Variants in EYA1 observed in about 807,000 individuals in gnomAD.
The protein encoded by EYA1 is EYA transcriptional coactivator and phosphatase 1.
In EYA1, 16 loss-of-function variants were observed where a neutral mutation model predicts 82.0. That is an observed-to-expected ratio of 0.20 (90% confidence interval 0.13 to 0.30). EYA1 has a LOEUF of 0.30. Ranked by LOEUF, EYA1 falls within the 10% of genes least tolerant of loss-of-function variation. EYA1 has a pLI of 1.00. For synonymous variants in EYA1, 261 were observed against 264.4 expected (o/e 0.99, Z 0.12); for missense variants, 633 against 730.7 (o/e 0.87, Z 1.54).
At chr8:71,287,186 C>T (rs1818480878) in intron 9 of EYA1, among the ~76,000 whole-genome samples, 2 of 151,956 alleles carry the variant, frequency 1.3e-5, no homozygotes, top group Non-Finnish European at 2.9e-5. Context: ...AGTTTAGATT[C>T]TCAGTGACTA....
chr8:71,413,648 G>A (rs1015436125), intron 2 of EYA1, among the ~76,000 whole-genome samples: 2 of 152,144 alleles, frequency 1.3e-5, no homozygotes, highest in African/African-American at 4.8e-5. Context: ...AATGCAAACT[G>A]TATATGCAAA....
intron 3 of EYA1, among the ~76,000 whole-genome samples, chr8:71,350,711 GATTTTTGCTTGC>G (rs1232887029): frequency 1.3e-5 from 2 of 152,056 alleles, no homozygotes; most frequent in Non-Finnish European, 2.9e-5. Flanking sequence ...TTAGAGCTCT[GATTTTTGCTTGC>G]TCACACTTTT....
At chr8:71,478,353 A>C (rs1232611578) in intron 2 of EYA1, among the ~76,000 whole-genome samples, 1 of 152,172 alleles carries the variant, frequency 6.6e-6, no homozygotes, top group Non-Finnish European at 1.5e-5. Flanking sequence ...ACCCATGCAA[A>C]TCTATCACCG....
intron 2 of EYA1, among the ~76,000 whole-genome samples, chr8:71,391,474 A>G (rs1267420034): frequency 3.3e-5 from 5 of 152,156 alleles, no homozygotes; most frequent in Non-Finnish European, 7.4e-5. Context: ...TCACTTAAGA[A>G]TTTGTCACCT....
intron 2 of EYA1, among the ~76,000 whole-genome samples, chr8:71,474,584 G>A (rs1305788130): frequency 6.6e-6 from 1 of 152,018 alleles, no homozygotes; most frequent in South Asian, 2.1e-4. Context: ...ATCTTACTAA[G>A]CTATTTGTTA....
At chr8:71,221,984 G>T (rs146865911) in intron 12 of EYA1, among the ~76,000 whole-genome samples, 1 of 152,314 alleles carries the variant, frequency 6.6e-6, no homozygotes, top group Non-Finnish European at 1.5e-5. Context: ...TGGGAACGGG[G>T]CGAGCATATA....
chr8:71,299,962 A>C (rs1346603174), intron 7 of EYA1, among the ~76,000 whole-genome samples: 1 of 152,230 alleles, frequency 6.6e-6, no homozygotes, highest in African/African-American at 2.4e-5. Context: ...TAATGACAAA[A>C]TAATACATTT....
At chr8:71,400,177 C>CA (rs34289340) in intron 2 of EYA1, among the ~76,000 whole-genome samples, 1 of 151,866 alleles carries the variant, frequency 6.6e-6, no homozygotes, top group Non-Finnish European at 1.5e-5. Context: ...GTGTAAAACC[C>CA]AAAACTATAA....
intron 11 of EYA1, 72 bp downstream of exon 11, chr8:71,269,668 A>G: frequency 4.6e-6 from 5 of 1,079,766 alleles, no homozygotes; most frequent in Non-Finnish European, 7.0e-6. Context: ...AATTACATTC[A>G]TTTGGATAAT....
At chr8:71,531,427 C>T (rs1195360467) in intron 2 of EYA1, among the ~76,000 whole-genome samples, 2 of 152,144 alleles carry the variant, frequency 1.3e-5, no homozygotes, top group Non-Finnish European at 2.9e-5. Flanking sequence ...AAACTAGGCT[C>T]TCTCTATTTG....
In EYA1 at chr8:71,203,754, G is replaced by C. The variant is rs140411697; in HGVS notation, c.1699-4334C>G. Among the ~76,000 whole-genome samples the C allele has an allele frequency of 5.9e-5, 9 of 152,324 alleles. No homozygotes were observed. In the East Asian group the frequency reaches 1.2e-3, roughly 20 times the overall value. On this transcript the variant is annotated intron_variant, in intron 17 of 17. Coordinates refer to ENST00000340726, the MANE Select transcript of EYA1 (RefSeq NM_000503.6). ...GGGGCATTTTAAGCAATTTAGGGCA[G>C]CAGTCGGGAAGGATGGACCAAAGAT...
intron 2 of EYA1, among the ~76,000 whole-genome samples, chr8:71,469,874 A>C (rs1809053978): frequency 6.6e-6 from 1 of 152,208 alleles, no homozygotes; most frequent in African/African-American, 2.4e-5. Flanking sequence ...TGAAGACTCA[A>C]GAAATGGGAG....
At chr8:71,328,238 G>A (rs928708641) in intron 4 of EYA1, among the ~76,000 whole-genome samples, 22 of 152,206 alleles carry the variant, frequency 1.4e-4, no homozygotes, top group Non-Finnish European at 2.4e-4. Flanking sequence ...GGAGTTAAGG[G>A]CTTAGAAACT....
At chr8:71,277,899 G>T (rs1362148439) in intron 9 of EYA1, among the ~76,000 whole-genome samples, 1 of 152,122 alleles carries the variant, frequency 6.6e-6, no homozygotes, top group Non-Finnish European at 1.5e-5. Flanking sequence ...AAAAGTTAAT[G>T]TTTATATATT....
At chr8:71,408,547 A>T (rs1250882433) in intron 2 of EYA1, among the ~76,000 whole-genome samples, 2 of 110,088 alleles carry the variant, frequency 1.8e-5, no homozygotes, top group Non-Finnish European at 3.8e-5. Flanking sequence ...GCAAATGGAA[A>T]ACAAAAAAAG....
At chr8:71,251,668 G>A (rs1164783051) in intron 11 of EYA1, among the ~76,000 whole-genome samples, 3 of 152,126 alleles carry the variant, frequency 2.0e-5, no homozygotes, top group Non-Finnish European at 4.4e-5. Flanking sequence ...TAAAACAATT[G>A]TTTTGCCTTC....
intron 9 of EYA1, among the ~76,000 whole-genome samples, chr8:71,283,736 T>A (rs1390377676): frequency 6.6e-6 from 1 of 152,098 alleles, no homozygotes; most frequent in African/African-American, 2.4e-5. Flanking sequence ...CACTATCCCA[T>A]CCTCTGGTCT....
chr8:71,207,358 T>C (rs573151150), intron 17 of EYA1, among the ~76,000 whole-genome samples: 1 of 152,338 alleles, frequency 6.6e-6, no homozygotes, highest in African/African-American at 2.4e-5. Flanking sequence ...AAATTCTCCT[T>C]CAATAAAGTT....
At chr8:71,215,772 T>G (rs763898906) in intron 14 of EYA1, 44 bp from the exon 15 acceptor site, 3 of 1,328,678 alleles carry the variant, frequency 2.3e-6, no homozygotes, top group Non-Finnish European at 3.3e-6. Context: ...CTGACCAACA[T>G]ATTTCTTCGG....
Sources: allele counts gnomAD v4.1 joint callset (sites outside exome capture counted in the v4.1 genomes callset), GRCh38; gene constraint gnomAD v4.1.1; transcripts MANE v1.5; gene names NCBI Gene and HGNC (gene_info 2026-07-23, HGNC 2026-07-21).